Variants in ANKRD44 observed in about 807,000 individuals in gnomAD.
ANKRD44 encodes the protein serine/threonine-protein phosphatase 6 regulatory ankyrin repeat subunit B.
Under a neutral mutation model 116.0 loss-of-function variants are expected in ANKRD44, and 35 were observed. That is an observed-to-expected ratio of 0.30 (90% CI 0.23 to 0.40). The LOEUF (loss-of-function observed/expected upper bound fraction) is 0.40, where lower values mean the gene tolerates loss of function less well. Ranked by LOEUF, ANKRD44 falls within the 10% of genes least tolerant of loss-of-function variation. The probability of loss-of-function intolerance (pLI) is 1.00; values close to 1 mark genes in which losing one functional copy is unlikely to be tolerated. For missense variants in ANKRD44, 1,014 were observed against 1,242.6 expected (o/e 0.82, Z 2.77); for synonymous variants, 435 against 461.8 (o/e 0.94, Z 0.74).
At chr2:197,115,503 A>G (rs2078687125) in intron 8 of ANKRD44, among the ~76,000 whole-genome samples, 1 of 152,246 alleles carries the variant, frequency 6.6e-6, no homozygotes, top group Non-Finnish European at 1.5e-5. Context: ...AATGTAAGCA[A>G]AATGAGGAAC....
Position 197,234,595 on chromosome 2 carries a change from G to T in ANKRD44, c.28-47489C>A, listed in dbSNP as rs536958293. On this transcript the variant is annotated intron_variant, in intron 1 of 27. Coordinates refer to ENST00000282272, the MANE Select transcript of ANKRD44 (RefSeq NM_001195144.2). ...AAAATTTTCTAGATTTTTCCATGTTGTACATGCCCATCCACCTCATTCTTT... is the reference window on the plus strand; with the variant it reads ...AAAATTTTCTAGATTTTTCCATGTTTTACATGCCCATCCACCTCATTCTTT... 2.6e-5 allele frequency among the ~76,000 whole-genome samples: 4 copies of T among 152,192 alleles called. No individual in the cohort carries two copies. In the East Asian group the frequency reaches 7.7e-4, roughly 29 times the overall value.
At chr2:197,120,982 T>G (rs2078840875) in intron 8 of ANKRD44, among the ~76,000 whole-genome samples, 2 of 150,772 alleles carry the variant, frequency 1.3e-5, no homozygotes. Context: ...CAGGTTAGAG[T>G]GCAGTTGCAC....
Position 196,987,978 on chromosome 2 carries a change from GAA to G in ANKRD44, c.*1611_*1612del, listed in dbSNP as rs1005076918. 9 of 985,082 alleles carry G rather than the reference GAA, an allele frequency of 9.1e-6. No homozygotes were observed. In the African/African-American group the frequency reaches 1.4e-4, roughly 15 times the overall value. The allele number at this position is 985,082 out of a possible 1,614,324, so 61.0% of individuals were successfully genotyped here. A position where few individuals can be genotyped will look rare whatever the true frequency, so the allele number is the denominator to read the frequency against. ...GGGTATGGGAGAAAGAGAAAGAGAG[GAA>G]GAGAGAGAGAGAGAGATCAGTTGAT... On this transcript the variant is annotated 3_prime_UTR_variant, in exon 28 of 28. Transcript: ENST00000282272.
At chr2:197,182,639 G>C (rs2080538271) in intron 2 of ANKRD44, among the ~76,000 whole-genome samples, 1 of 151,898 alleles carries the variant, frequency 6.6e-6, no homozygotes, top group Admixed American at 6.6e-5. Flanking sequence ...TGGGACATTG[G>C]TTCCAGGACC....
chr2:197,079,478 A>T (rs547294887), intron 15 of ANKRD44, among the ~76,000 whole-genome samples: 3 of 152,252 alleles, frequency 2.0e-5, no homozygotes. Context: ...AAAAAGCCAC[A>T]GTCTTTGGAA....
At chr2:197,039,431 C>T (rs757637495) in intron 16 of ANKRD44, among the ~76,000 whole-genome samples, 8 of 152,158 alleles carry the variant, frequency 5.3e-5, no homozygotes, top group Non-Finnish European at 1.0e-4. Flanking sequence ...TGGCAGTAAT[C>T]GTTGCAAGGA....
At chr2:196,967,931 C>T (rs1474014257) in intron 21 of ANKRD44, among the ~76,000 whole-genome samples, 1 of 151,870 alleles carries the variant, frequency 6.6e-6, no homozygotes, top group Non-Finnish European at 1.5e-5. Context: ...CTCTCTCTCT[C>T]TCTCTCTCTC....
intron 16 of ANKRD44, among the ~76,000 whole-genome samples, chr2:197,051,382 A>G (rs1409417874): frequency 6.6e-6 from 1 of 152,078 alleles, no homozygotes; most frequent in Non-Finnish European, 1.5e-5. Flanking sequence ...AAATCAGAAT[A>G]CATCTTCATT....
intron 9 of ANKRD44, among the ~76,000 whole-genome samples, 195 bp from the exon 10 acceptor site, chr2:197,100,125 T>C (rs909835136): frequency 3.3e-5 from 5 of 152,246 alleles, no homozygotes; most frequent in African/African-American, 1.2e-4. Context: ...TATATCTGCG[T>C]AGACAGAAGT....
At chr2:197,012,987 T>A (rs1432580492) in intron 18 of ANKRD44, among the ~76,000 whole-genome samples, 1 of 152,240 alleles carries the variant, frequency 6.6e-6, no homozygotes, top group African/African-American at 2.4e-5. Flanking sequence ...ACTTTCTTTT[T>A]GATATATACA....
At chr2:197,268,007 C>T (rs1467264138) in intron 1 of ANKRD44, among the ~76,000 whole-genome samples, 1 of 152,200 alleles carries the variant, frequency 6.6e-6, no homozygotes, top group Non-Finnish European at 1.5e-5. Context: ...TCCTTGGATC[C>T]AGAATGGGAT....
intron 12 of ANKRD44, among the ~76,000 whole-genome samples, chr2:197,087,230 T>C (rs576341094): frequency 2.6e-5 from 4 of 152,238 alleles, no homozygotes; most frequent in Admixed American, 2.6e-4. Context: ...TAATAGAAAA[T>C]AAAACAACTG....
intron 9 of ANKRD44, among the ~76,000 whole-genome samples, chr2:197,108,856 C>CAAAAAAAAA (rs1228651033): frequency 6.0e-5 from 9 of 148,972 alleles, no homozygotes; most frequent in African/African-American, 2.3e-4. Flanking sequence ...ACAACAACAA[C>CAAAAAAAAA]AACAACAACA....
At chr2:197,079,807 T>C (rs1246864528) in intron 15 of ANKRD44, among the ~76,000 whole-genome samples, 1 of 152,282 alleles carries the variant, frequency 6.6e-6, no homozygotes, top group East Asian at 1.9e-4. Context: ...CCAAAAACTA[T>C]AAATAGCATT....
intron 8 of ANKRD44, among the ~76,000 whole-genome samples, chr2:197,120,278 T>C (rs996327981): frequency 6.6e-6 from 1 of 152,166 alleles, no homozygotes; most frequent in Non-Finnish European, 1.5e-5. Context: ...TAGTCCTTAG[T>C]AAATTTGCTG....
At chr2:197,069,986 A>T (rs1202596675) in intron 16 of ANKRD44, among the ~76,000 whole-genome samples, 1 of 152,016 alleles carries the variant, frequency 6.6e-6, no homozygotes, top group Non-Finnish European at 1.5e-5. Flanking sequence ...AGTTATTGAC[A>T]GCAATTTTTT....
chr2:197,249,264 C>A (rs2082265811), intron 1 of ANKRD44, among the ~76,000 whole-genome samples: 1 of 152,032 alleles, frequency 6.6e-6, no homozygotes, highest in Non-Finnish European at 1.5e-5. Flanking sequence ...CAGAGTGAGA[C>A]CTTGTCTCAA....
intron 2 of ANKRD44, among the ~76,000 whole-genome samples, chr2:197,150,978 T>C (rs190801877): frequency 5.5e-4 from 83 of 152,230 alleles, no homozygotes; most frequent in Middle Eastern, 3.4e-3. Context: ...GGGTTCTTGG[T>C]AGGGGAATAA....
rs188666231 is a variant in ANKRD44 at position 197,303,368 on chromosome 2, C to G, written c.27+7210G>C. On this transcript the variant is annotated intron_variant, in intron 1 of 27. Coordinates refer to ENST00000282272, the MANE Select transcript of ANKRD44 (RefSeq NM_001195144.2). ...AAAGAAACGAAGGCCAGGACTTACC[C>G]CAAACCATACAACAGTTAGAAGAAC... is the stretch of plus-strand genomic sequence containing the variant. Among the ~76,000 whole-genome samples, 742 of 152,280 alleles carry G rather than the reference C, an allele frequency of 4.9e-3. 3 individuals are homozygous for G. The highest frequency in any genetic ancestry group is 0.017 in the African/African-American group (702 of 41,542).
Sources: gnomAD v4.1 joint callset for allele counts (sites outside exome capture counted in the v4.1 genomes callset) on GRCh38, gnomAD v4.1.1 for gene constraint, MANE v1.5 for transcripts, NCBI Gene and HGNC (gene_info 2026-07-23, HGNC 2026-07-21) for gene names.